The following FBLN1 variants were observed in gnomAD, a reference collection of about 807,000 sequenced individuals.
FBLN1 encodes the protein fibulin 1.
A neutral mutation model predicts 89.7 loss-of-function variants in FBLN1; 34 were observed. The observed-to-expected ratio is 0.38, with a 90% CI of 0.29 to 0.50. The LOEUF (loss-of-function observed/expected upper bound fraction) is 0.50, where lower values mean the gene tolerates loss of function less well. Ranked by LOEUF, FBLN1 falls within the 20% of genes least tolerant of loss-of-function variation. The probability of loss-of-function intolerance (pLI) is 0.92; values close to 1 mark genes in which losing one functional copy is unlikely to be tolerated. For missense variants in FBLN1, 777 were observed against 988.1 expected, an observed-to-expected ratio of 0.79 and a Z score of 2.86; for synonymous variants, 393 against 391.3, an observed-to-expected ratio of 1.00 and a Z score of -0.05.
rs2088499535 is a variant in FBLN1 at position 45,537,637 on chromosome 22, TAAAAA to T, written c.922+2301_922+2305del. On this transcript the variant is annotated intron_variant, in intron 8 of 16. Coordinates refer to ENST00000327858, the MANE Select transcript of FBLN1 (RefSeq NM_006486.3). The surrounding 1 kb of genome is among the most constrained non-coding windows in gnomAD (Gnocchi z 5.7). Reference sequence around the variant, plus strand: ...TCTGTGTCAAAAAAAAAAAAAAAGATAAAAAGACAAGTGGAACAGTGAGCCCTTAG... The same window carrying T: ...TCTGTGTCAAAAAAAAAAAAAAAGATGACAAGTGGAACAGTGAGCCCTTAG... Among the ~76,000 whole-genome samples, 1 of 146,260 alleles carries T rather than the reference TAAAAA, an allele frequency of 6.8e-6. No individual in the cohort carries two copies. Among genetic ancestry groups the T allele is most frequent in the Non-Finnish European group, 1.5e-5 (1 of 66,584 alleles).
At position 45,561,616 on chromosome 22, in the gene FBLN1, C is replaced by T. The variant is rs973447390; in HGVS notation, c.1697+11001C>T. The stretch of plus-strand genomic sequence containing the variant: ...GTTAACCAGCCAACCCCAGAAACCC[C>T]AAAACCAATGAAAGAACTCCATCTT... On this transcript the variant is annotated intron_variant, in intron 14 of 16. Transcript: ENST00000327858. This position sits in a 1 kb window ranked among gnomAD's most constrained non-coding sequence, Gnocchi z 4.7. Among the ~76,000 whole-genome samples, 7 of 152,162 alleles carry T rather than the reference C, an allele frequency of 4.6e-5. No individual in the cohort carries two copies. The highest frequency in any genetic ancestry group is 1.7e-4 in the African/African-American group (7 of 41,420).
At chr22:45,542,021 C>T in intron 9 of FBLN1, 134 bp from the exon 10 acceptor site, 1 of 1,359,294 alleles carries the variant, frequency 7.4e-7, no homozygotes, top group East Asian at 2.3e-5. Context: ...AGTAGGTGCT[C>T]TGTGAAGTCG....
chr22:45,539,076 C>T (rs2088519494), intron 8 of FBLN1, among the ~76,000 whole-genome samples: 1 of 147,082 alleles, frequency 6.8e-6, no homozygotes, highest in Non-Finnish European at 1.5e-5. Flanking sequence ...TCTCCTCCTC[C>T]TCTTCCCCCT....
In FBLN1 at chr22:45,577,304, C is replaced by A. The variant is rs915146116; in HGVS notation, c.1972+196C>A. Among the ~76,000 whole-genome samples, 2 of 152,132 alleles carry A rather than the reference C, an allele frequency of 1.3e-5. No individual in the cohort carries two copies. Among genetic ancestry groups the A allele is most frequent in the Non-Finnish European group, 2.9e-5 (2 of 68,010 alleles). On this transcript the variant is annotated intron_variant, in intron 16 of 16. Transcript: ENST00000327858. The surrounding 1 kb of genome is among the most constrained non-coding windows in gnomAD (Gnocchi z 6.6). ...GAACAGCCAGAGTGGGGGATCCTGC[C>A]TGGGATCTGACCCTAGCTGTGCCAC...
Position 45,574,381 on chromosome 22 carries a change from C to A in FBLN1, c.1698-130C>A. The A allele has an allele frequency of 1.0e-6, 1 of 979,762 alleles. No individual in the cohort carries two copies. Among genetic ancestry groups the A allele is most frequent in the South Asian group, 1.4e-5 (1 of 72,156 alleles). The allele number at this position is 979,762 out of a possible 1,614,324, so 60.7% of individuals were successfully genotyped here. A position where few individuals can be genotyped will look rare whatever the true frequency, so the allele number is the denominator to read the frequency against. On this transcript the variant is annotated intron_variant, in intron 14 of 16. Transcript: ENST00000327858. This position sits in a 1 kb window ranked among gnomAD's most constrained non-coding sequence, Gnocchi z 4.1. The stretch of plus-strand genomic sequence containing the variant: ...CCAGGCTGCAGAGACCACTGTCGTT[C>A]TCTGATGGAGCTGTCTCTGGGACAG...
At chr22:45,513,339 C>G (rs919356799) in intron 1 of FBLN1, among the ~76,000 whole-genome samples, 7 of 144,602 alleles carry the variant, frequency 4.8e-5, no homozygotes, top group Admixed American at 1.4e-4. Flanking sequence ...TAGTCTCACT[C>G]TGTCACCCAG....
rs1458633349 is a variant in FBLN1 at position 45,572,279 on chromosome 22, G to A, written c.1698-2232G>A. ...TCACATCAGATAGCAAGAAAGCTGT[G>A]AAAGACGACAAGGGCTGGGCCAAAA... On this transcript the variant is annotated intron_variant, in intron 14 of 16. Coordinates refer to ENST00000327858, the MANE Select transcript of FBLN1 (RefSeq NM_006486.3). This position sits in a 1 kb window ranked among gnomAD's most constrained non-coding sequence, Gnocchi z 5.8. Among the ~76,000 whole-genome samples the A allele has an allele frequency of 6.6e-6, 1 of 152,222 alleles. No individual in the cohort carries two copies. Among genetic ancestry groups the A allele is most frequent in the African/African-American group, 2.4e-5 (1 of 41,462 alleles).
Position 45,546,702 on chromosome 22 carries a change from G to A in FBLN1, c.1322-383G>A, listed in dbSNP as rs150434297. ...GTACTGGCGTATGGGCTGGGTGGCC[G>A]AGGACTTCCTTGTGTGCCGTCATCT... On this transcript the variant is annotated intron_variant, in intron 11 of 16. Transcript: ENST00000327858. 6.2e-3 allele frequency among the ~76,000 whole-genome samples: 951 copies of A among 152,316 alleles called. 7 individuals carry two copies. The highest frequency in any genetic ancestry group is 0.011 in the Non-Finnish European group (726 of 68,030).
At chr22:45,564,443 G>T (rs1337357688) in intron 14 of FBLN1, among the ~76,000 whole-genome samples, 1 of 152,258 alleles carries the variant, frequency 6.6e-6, no homozygotes, top group Non-Finnish European at 1.5e-5. Flanking sequence ...GCCTCAACTT[G>T]TTCTATCCTT....
intron 14 of FBLN1, among the ~76,000 whole-genome samples, chr22:45,570,482 A>T (rs1031916884): frequency 6.6e-6 from 1 of 152,036 alleles, no homozygotes; most frequent in Non-Finnish European, 1.5e-5. Flanking sequence ...TTCAGATGTA[A>T]ATACTAAACT....
At chr22:45,585,428 A>C (rs2089076310) in intron 16 of FBLN1, among the ~76,000 whole-genome samples, 1 of 152,228 alleles carries the variant, frequency 6.6e-6, no homozygotes, top group South Asian at 2.1e-4. Context: ...CCTGCAGCCC[A>C]TGTGGAGAGT....
Position 45,565,833 on chromosome 22 carries a change from A to G in FBLN1, c.1698-8678A>G, listed in dbSNP as rs558590201. 272 of 154,302 alleles carry G rather than the reference A, an allele frequency of 1.8e-3. 3 individuals carry two copies. The highest frequency in any genetic ancestry group is 2.8e-3 in the Non-Finnish European group (192 of 69,494). The allele number at this position is 154,302 out of a possible 1,614,324, so 9.6% of individuals were successfully genotyped here. On this transcript the variant is annotated intron_variant, in intron 14 of 16. Transcript: ENST00000327858. ...TCCCAGCACTTTGGGAGGCCGAAGC[A>G]GGCAGATCAGCTGAGGTCGGGAGTT...
In FBLN1 at chr22:45,532,989, C is replaced by G. The variant is rs1602182823; in HGVS notation, c.545-74C>G. ...TGCCCAGAGGGCGTTTTCTATGACC[C>G]AGCCTGAACGGAGCTAGAAACCAGG... On this transcript the variant is annotated intron_variant, in intron 5 of 16. Transcript: ENST00000327858. This position sits in a 1 kb window ranked among gnomAD's most constrained non-coding sequence, Gnocchi z 4.2. 7.0e-7 allele frequency: 1 copy of G among 1,420,648 alleles called. No homozygotes were observed. The highest frequency in any genetic ancestry group is 2.3e-5 in the East Asian group (1 of 43,766). The allele number at this position is 1,420,648 out of a possible 1,614,324, so 88.0% of individuals were successfully genotyped here.
intron 16 of FBLN1, among the ~76,000 whole-genome samples, chr22:45,599,085 G>A (rs1321174525): frequency 1.3e-5 from 2 of 152,258 alleles, no homozygotes; most frequent in African/African-American, 2.4e-5. Context: ...TCCCTTACCC[G>A]CTAACCCGGA....
rs976320532 is a variant in FBLN1, at chr22:45,532,881, G to T, written c.545-182G>T. On this transcript the variant is annotated intron_variant, in intron 5 of 16. Transcript: ENST00000327858. This position sits in a 1 kb window ranked among gnomAD's most constrained non-coding sequence, Gnocchi z 4.2. ...GACCTGAAGCAGCAGCCCCTGGGGG[G>T]TGTCCAGAGCCAGAGCCTGGGGGTC... 7.8e-6 allele frequency: 5 copies of T among 638,930 alleles called. No individual in the cohort carries two copies. The highest frequency in any genetic ancestry group is 4.6e-5 in the Admixed American group (2 of 43,440). 39.6% of individuals were successfully genotyped at this position (638,930 alleles called of 1,614,324 possible). A position where few individuals can be genotyped will look rare whatever the true frequency, so the allele number is the denominator to read the frequency against.
At position 45,510,565 on chromosome 22, in the gene FBLN1, G is replaced by T. The variant is rs1046392102; in HGVS notation, c.79+7501G>T. Among the ~76,000 whole-genome samples the T allele has an allele frequency of 2.6e-5, 4 of 152,092 alleles. No homozygotes were observed. The East Asian group carries it at 7.7e-4, about 29-fold the overall frequency. ...CAACCTGGGAATTAAGATCCTCGTG[G>T]CTCACAGGCTGCTGGGGATGGGATC... On this transcript the variant is annotated intron_variant, in intron 1 of 16. Transcript: ENST00000327858.
chr22:45,560,908 G>A (rs1175956696), intron 14 of FBLN1, among the ~76,000 whole-genome samples: 1 of 152,170 alleles, frequency 6.6e-6, no homozygotes. Flanking sequence ...CCTCACAGGA[G>A]GCCATCACTG....
chr22:45,544,888 G>A (rs752146265), intron 11 of FBLN1, among the ~76,000 whole-genome samples: 8 of 152,216 alleles, frequency 5.3e-5, no homozygotes, highest in Non-Finnish European at 1.2e-4. Flanking sequence ...GGCAGATGTC[G>A]TGTCTTGTAT....
In FBLN1 at chr22:45,583,998, G is replaced by C. The variant is rs2089064120; in HGVS notation, c.1972+6890G>C. Among the ~76,000 whole-genome samples, 1 of 152,144 alleles carries C rather than the reference G, an allele frequency of 6.6e-6. No homozygotes were observed. The highest frequency in any genetic ancestry group is 6.5e-5 in the Admixed American group (1 of 15,268). ...TATCGATGTAGGTGTGAGGGTCTTT[G>C]GGTTGTATCCAGCTGTCCCATAAGG... is the stretch of plus-strand genomic sequence containing the variant. On this transcript the variant is annotated intron_variant, in intron 16 of 16. Transcript: ENST00000327858. This position sits in a 1 kb window ranked among gnomAD's most constrained non-coding sequence, Gnocchi z 4.5.
Sources: gnomAD v4.1 joint callset for allele counts (sites outside exome capture counted in the v4.1 genomes callset) on GRCh38, gnomAD v4.1.1 for gene constraint, Gnocchi (gnomAD v3.1) non-coding constraint, MANE v1.5 for transcripts, NCBI Gene and HGNC (gene_info 2026-07-23, HGNC 2026-07-21) for gene names.